Variants in CPXM2 observed in about 807,000 individuals in gnomAD.
CPXM2 encodes carboxypeptidase X, M14 family member 2, also known as inactive carboxypeptidase-like protein X2.
A neutral mutation model predicts 86.1 loss-of-function variants in CPXM2; 66 were observed. The observed-to-expected ratio is 0.77, with a 90% CI of 0.63 to 0.94. The LOEUF (loss-of-function observed/expected upper bound fraction) is 0.94. CPXM2 is among the 40% of genes least tolerant of loss of function. CPXM2 has a pLI of 0.00. For synonymous variants in CPXM2, 388 were observed against 400.2 expected (o/e 0.97, Z 0.36); for missense variants, 948 against 1,026.3 (o/e 0.92, Z 1.04).
chr10:123,779,829 C>G (rs10510136), intron 7 of CPXM2, among the ~76,000 whole-genome samples: 20,256 of 152,010 alleles, frequency 0.13, 1,439 homozygotes, highest in East Asian at 0.3. Context: ...CTATGTCATC[C>G]TAGATCCTTT....
intron 3 of CPXM2, among the ~76,000 whole-genome samples, chr10:123,846,454 T>C (rs1848497147): frequency 6.6e-6 from 1 of 152,200 alleles, no homozygotes. Context: ...GGCCGTAATT[T>C]GAGCAATGGG....
intron 4 of CPXM2, among the ~76,000 whole-genome samples, chr10:123,804,354 A>T (rs1202189686): frequency 6.6e-6 from 1 of 152,148 alleles, no homozygotes; most frequent in African/African-American, 2.4e-5. Context: ...TGACCTCTTT[A>T]CAGTATTAAA....
intron 4 of CPXM2, among the ~76,000 whole-genome samples, chr10:123,835,505 A>G (rs745770577): frequency 1.3e-5 from 2 of 152,106 alleles, no homozygotes; most frequent in Non-Finnish European, 1.5e-5. Flanking sequence ...GAACTTAGAG[A>G]TGTTTTCATT....
intron 2 of CPXM2, among the ~76,000 whole-genome samples, chr10:123,875,487 T>C (rs78022508): frequency 0.018 from 2,753 of 152,310 alleles, 80 homozygotes; most frequent in East Asian, 0.094. Flanking sequence ...TGGGAATAGC[T>C]GTGCCAGATG....
intron 3 of CPXM2, among the ~76,000 whole-genome samples, chr10:123,849,722 C>A (rs900552172): frequency 6.6e-6 from 1 of 152,132 alleles, no homozygotes; most frequent in African/African-American, 2.4e-5. Flanking sequence ...CTTACATTCA[C>A]TTTTAAAAGG....
intron 13 of CPXM2, chr10:123,751,106 T>C (rs921472699): frequency 1.6e-5 from 15 of 966,094 alleles, no homozygotes; most frequent in African/African-American, 3.5e-5. Flanking sequence ...GGCCAAGAGA[T>C]GGATGAAAGA....
At chr10:123,918,804 G>A (rs2134276864) in intron 2 of CPXM2, among the ~76,000 whole-genome samples, 1 of 152,294 alleles carries the variant, frequency 6.6e-6, no homozygotes, top group Admixed American at 6.5e-5. Flanking sequence ...TCTGACTAGA[G>A]GAAGCTGGAA....
chr10:123,797,716 G>A (rs764256090), intron 6 of CPXM2, among the ~76,000 whole-genome samples: 1 of 151,842 alleles, frequency 6.6e-6, no homozygotes, highest in African/African-American at 2.4e-5. Flanking sequence ...ACTCCACCAT[G>A]CCTGGGTAAT....
At chr10:123,778,761 G>C (rs1472808765) in intron 7 of CPXM2, among the ~76,000 whole-genome samples, 1 of 152,198 alleles carries the variant, frequency 6.6e-6, no homozygotes. Flanking sequence ...GCAAAGCGGA[G>C]TTAACACACC....
chr10:123,941,463 T>C (rs181707956), upstream of CPXM2, among the ~76,000 whole-genome samples: 17 of 152,322 alleles, frequency 1.1e-4, no homozygotes, highest in East Asian at 3.3e-3. Flanking sequence ...CATATTGGAT[T>C]AAAAGCCCCC....
At chr10:123,800,025 T>C (rs1192706257) in intron 4 of CPXM2, among the ~76,000 whole-genome samples, 2 of 149,848 alleles carry the variant, frequency 1.3e-5, no homozygotes, top group Admixed American at 6.6e-5. Context: ...TACTAGTTTT[T>C]TGGTTTTTTT....
intron 7 of CPXM2, among the ~76,000 whole-genome samples, chr10:123,774,791 G>A (rs886404099): frequency 3.9e-5 from 6 of 152,142 alleles, no homozygotes; most frequent in Admixed American, 1.3e-4. Context: ...CATCATAAAC[G>A]GAGAAGCAAC....
chr10:123,911,519 T>G (rs531397091), intron 2 of CPXM2, among the ~76,000 whole-genome samples: 1 of 151,212 alleles, frequency 6.6e-6, no homozygotes, highest in African/African-American at 2.4e-5. Context: ...TTGCCATTAG[T>G]TTTAAAGGCA....
chr10:123,942,994 C>T (rs918938312), upstream of CPXM2, among the ~76,000 whole-genome samples: 1 of 151,954 alleles, frequency 6.6e-6, no homozygotes, highest in Admixed American at 6.5e-5. Context: ...AGTACAGTCA[C>T]ATGTTGTACA....
upstream of CPXM2, among the ~76,000 whole-genome samples, chr10:123,941,154 G>C (rs928631874): frequency 6.6e-6 from 1 of 152,180 alleles, no homozygotes; most frequent in Non-Finnish European, 1.5e-5. Context: ...CTGGGTGACA[G>C]AGCGAGACTT....
At chr10:123,781,397 G>A (rs1846930561) in intron 6 of CPXM2, among the ~76,000 whole-genome samples, 1 of 152,208 alleles carries the variant, frequency 6.6e-6, no homozygotes, top group Admixed American at 6.5e-5. Context: ...GAACAAGAAG[G>A]AGGGCAACTG....
intron 7 of CPXM2, among the ~76,000 whole-genome samples, chr10:123,773,427 C>T (rs964176591): frequency 1.3e-5 from 2 of 152,240 alleles, no homozygotes; most frequent in African/African-American, 2.4e-5. Context: ...TTCTCACCTC[C>T]CTCTGTGGTG....
intron 2 of CPXM2, among the ~76,000 whole-genome samples, chr10:123,905,851 G>A (rs191917196): frequency 6.6e-6 from 1 of 152,096 alleles, no homozygotes; most frequent in Admixed American, 6.5e-5. Flanking sequence ...CAGAAACGCT[G>A]CCTTTGCCAT....
At chr10:123,899,943 T>A (rs964154652) in intron 2 of CPXM2, among the ~76,000 whole-genome samples, 7 of 152,186 alleles carry the variant, frequency 4.6e-5, no homozygotes, top group Non-Finnish European at 1.0e-4. Flanking sequence ...TTAATGAGGT[T>A]ACTTATATCA....
Sources: gnomAD v4.1 joint callset for allele counts (sites outside exome capture counted in the v4.1 genomes callset) on GRCh38, gnomAD v4.1.1 for gene constraint, MANE v1.5 for transcripts, NCBI Gene and HGNC (gene_info 2026-07-23, HGNC 2026-07-21) for gene names.